Variants in ANKRD52 observed in about 807,000 individuals in gnomAD.
The protein encoded by ANKRD52 is ankyrin repeat domain 52, also known as serine/threonine-protein phosphatase 6 regulatory ankyrin repeat subunit C.
ANKRD52 carries 7 observed loss-of-function variants against 116.0 expected under a neutral mutation model. The observed-to-expected ratio is 0.06, with a 90% CI of 0.03 to 0.11. The LOEUF is 0.11. ANKRD52 is among the 10% of genes least tolerant of loss of function. The pLI is 1.00. For synonymous variants in ANKRD52, 528 were observed against 578.1 expected (o/e 0.91, Z 1.24); for missense variants, 839 against 1,408.6 (o/e 0.60, Z 6.47).
In ANKRD52 at chr12:56,243,669, C is replaced by T; in HGVS notation, c.2980+116G>A. On this transcript the variant is annotated intron_variant, in intron 27 of 27. Transcript: ENST00000267116. This position sits in a 1 kb window ranked among gnomAD's most constrained non-coding sequence, Gnocchi z 4.6. Reference sequence around the variant, plus strand: ...AGAGTACTGGTGTGGGCTCCCTGCTCTGAAGAGTTCCCTTGGGAAGAAAAT... The same window carrying T: ...AGAGTACTGGTGTGGGCTCCCTGCTTTGAAGAGTTCCCTTGGGAAGAAAAT... The T allele has an allele frequency of 2.9e-5, 34 of 1,191,970 alleles. No individual in the cohort carries two copies. Among genetic ancestry groups the T allele is most frequent in the Non-Finnish European group, 4.0e-5 (34 of 842,882 alleles). 73.8% of individuals were successfully genotyped at this position (1,191,970 alleles called of 1,614,324 possible).
chr12:56,254,421 C>A lies in ANKRD52; in HGVS notation c.694-142G>T. 1.4e-6 allele frequency: 2 copies of A among 1,430,436 alleles called. No homozygotes were observed. Among genetic ancestry groups the A allele is most frequent in the Non-Finnish European group, 1.9e-6 (2 of 1,054,118 alleles). 88.6% of individuals were successfully genotyped at this position (1,430,436 alleles called of 1,614,324 possible). ...ACCCAAGGTACTAAGGTACTAAGGG[C>A]ACTATGGCTAAGGTAAGCATTATTC... On this transcript the variant is annotated intron_variant, in intron 7 of 27. Coordinates refer to ENST00000267116, the MANE Select transcript of ANKRD52 (RefSeq NM_173595.4). The surrounding 1 kb of genome is among the most constrained non-coding windows in gnomAD (Gnocchi z 4.6).
Position 56,255,193 on chromosome 12 carries a change from C to CTTTT in ANKRD52, c.463-245_463-242dup. On this transcript the variant is annotated intron_variant, in intron 5 of 27. Coordinates refer to ENST00000267116, the MANE Select transcript of ANKRD52 (RefSeq NM_173595.4). This position sits in a 1 kb window ranked among gnomAD's most constrained non-coding sequence, Gnocchi z 4.3. ...CAGGTGATCTGGTGGTTCTTAAACT[C>CTTTT]TTTTTTTTTTTTTTTTTGAGACAGT... is the stretch of plus-strand genomic sequence containing the variant. 1.2e-5 allele frequency: 3 copies of CTTTT among 253,560 alleles called. No individual in the cohort carries two copies. Among genetic ancestry groups the CTTTT allele is most frequent in the South Asian group, 8.3e-5 (1 of 12,102 alleles). 15.7% of individuals were successfully genotyped at this position (253,560 alleles called of 1,614,324 possible). A position where few individuals can be genotyped will look rare whatever the true frequency, so the allele number is the denominator to read the frequency against.
Position 56,254,307 on chromosome 12 carries a change from G to A in ANKRD52, c.694-28C>T, listed in dbSNP as rs774537895. The A allele has an allele frequency of 6.2e-7, 1 of 1,604,590 alleles. No homozygotes were observed. The highest frequency in any genetic ancestry group is 1.7e-5 in the Admixed American group (1 of 59,952). On this transcript the variant is annotated intron_variant, in intron 7 of 27. Coordinates refer to ENST00000267116, the MANE Select transcript of ANKRD52 (RefSeq NM_173595.4). This position sits in a 1 kb window ranked among gnomAD's most constrained non-coding sequence, Gnocchi z 4.6. ...GGATATTCAGGGGTGAGAGTAAGGT[G>A]GTATCAGTTTAAACAAAGTAGAAGC...
In ANKRD52 at chr12:56,245,366, C is replaced by T. The variant is rs1186425183; in HGVS notation, c.2404+11G>A. On this transcript the variant is annotated intron_variant, in intron 21 of 27. Coordinates refer to ENST00000267116, the MANE Select transcript of ANKRD52 (RefSeq NM_173595.4). ...CATGCTCCTGTGCCTGTGGAGGCCCCAGTCTAGTACCAGTGTAGGAGGCCC... is the reference window on the plus strand; with the variant it reads ...CATGCTCCTGTGCCTGTGGAGGCCCTAGTCTAGTACCAGTGTAGGAGGCCC... The T allele has an allele frequency of 5.6e-6, 9 of 1,608,914 alleles. No individual in the cohort carries two copies. The Admixed American group carries it at 1.5e-4, about 27-fold the overall frequency.
chr12:56,254,866 T>G lies in ANKRD52; in HGVS notation c.549A>C (p.Leu183=). Residue 183 remains leucine, a splice_region_variant and synonymous_variant, in exon 6 of 28, where the codon CTA becomes CTC. Coordinates refer to ENST00000267116, the MANE Select transcript of ANKRD52 (RefSeq NM_173595.4). The surrounding 1 kb of genome is among the most constrained non-coding windows in gnomAD (Gnocchi z 4.6). ...ERQPLHWAAF[L]GHLEVLKLLV... is the part of the protein sequence containing the mutation. Reference sequence around the variant, plus strand: ...ATTTTCCCGTGTATTCTCTCTCACCTAGAAAAGCTGCCCAATGCAGAGGCT... The same window carrying G: ...ATTTTCCCGTGTATTCTCTCTCACCGAGAAAAGCTGCCCAATGCAGAGGCT... 6.2e-7 allele frequency: 1 copy of G among 1,612,566 alleles called. No homozygotes were observed. Among genetic ancestry groups the G allele is most frequent in the South Asian group, 1.1e-5 (1 of 91,070 alleles).
rs563553223 is a variant in ANKRD52 at position 56,255,321 on chromosome 12, G to A, written c.463-369C>T. 2.6e-5 allele frequency among the ~76,000 whole-genome samples: 4 copies of A among 151,902 alleles called. No homozygotes were observed. The highest frequency in any genetic ancestry group is 6.6e-5 in the Admixed American group (1 of 15,228). ...TTCTCCTGCCTCAGTCTCCCGAGTAGCTGGGACTACAGGCGGCCGCCACCA... is the reference window on the plus strand; with the variant it reads ...TTCTCCTGCCTCAGTCTCCCGAGTAACTGGGACTACAGGCGGCCGCCACCA... On this transcript the variant is annotated intron_variant, in intron 5 of 27. Coordinates refer to ENST00000267116, the MANE Select transcript of ANKRD52 (RefSeq NM_173595.4). The surrounding 1 kb of genome is among the most constrained non-coding windows in gnomAD (Gnocchi z 4.3).
At chr12:56,256,752 G>A (rs905553536) in intron 4 of ANKRD52, among the ~76,000 whole-genome samples, 1 of 152,218 alleles carries the variant, frequency 6.6e-6, no homozygotes, top group African/African-American at 2.4e-5. Context: ...CCCCAGGGAG[G>A]GATGAGTCAC....
intron 20 of ANKRD52, 143 bp downstream of exon 20, chr12:56,247,346 CAAAA>C (rs1007977970): frequency 6.5e-3 from 3,112 of 479,614 alleles, no homozygotes; most frequent in Admixed American, 7.7e-3. Flanking sequence ...GACCCTGTCT[CAAAA>C]AAAAAAAAAA....
chr12:56,247,825 G>C, intron 18 of ANKRD52, 51 bp from the exon 19 acceptor site: 1 of 1,559,606 alleles, frequency 6.4e-7, no homozygotes, highest in Non-Finnish European at 8.7e-7. Context: ...AAGAAGGGAG[G>C]CAAGGTCAAG....
chr12:56,243,081 T>C lies in ANKRD52; in HGVS notation c.*61A>G. The C allele has an allele frequency of 2.7e-6, 4 of 1,488,982 alleles. No homozygotes were observed. Among genetic ancestry groups the C allele is most frequent in the Non-Finnish European group, 3.6e-6 (4 of 1,119,754 alleles). 92.2% of individuals were successfully genotyped at this position (1,488,982 alleles called of 1,614,324 possible). A position where few individuals can be genotyped will look rare whatever the true frequency, so the allele number is the denominator to read the frequency against. ...TTTAAAGTGCCCTAAATGTTTAGACTTTTTCTAAATAAATAGAATTAGATA... is the reference window on the plus strand; with the variant it reads ...TTTAAAGTGCCCTAAATGTTTAGACCTTTTCTAAATAAATAGAATTAGATA... On this transcript the variant is annotated 3_prime_UTR_variant, in exon 28 of 28. Transcript: ENST00000267116. The surrounding 1 kb of genome is among the most constrained non-coding windows in gnomAD (Gnocchi z 4.6).
chr12:56,258,223 GA>G lies in ANKRD52; in HGVS notation c.27+19del. 2 of 1,599,210 alleles carry G rather than the reference GA, an allele frequency of 1.3e-6. No homozygotes were observed. Among genetic ancestry groups the G allele is most frequent in the South Asian group, 1.1e-5 (1 of 88,350 alleles). On this transcript the variant is annotated intron_variant, in intron 1 of 27. Transcript: ENST00000267116. Reference sequence around the variant, plus strand: ...GCCGAGCCCTGGAAGGAGGAAGCGGGAAAGGGCAGGAGGGCTGACCTGGTCC... The same window carrying G: ...GCCGAGCCCTGGAAGGAGGAAGCGGGAAGGGCAGGAGGGCTGACCTGGTCC...
chr12:56,243,834 T>C lies in ANKRD52; in HGVS notation c.2931A>G (p.Val977=), dbSNP rs1430137614. 1.9e-6 allele frequency: 3 copies of C among 1,567,000 alleles called. No homozygotes were observed. Among genetic ancestry groups the C allele is most frequent in the African/African-American group, 2.7e-5 (2 of 73,620 alleles). Residue 977 remains valine (V), a synonymous_variant, in exon 27 of 28, where the codon GTA becomes GTG. Coordinates refer to ENST00000267116, the MANE Select transcript of ANKRD52 (RefSeq NM_173595.4). This position sits in a 1 kb window ranked among gnomAD's most constrained non-coding sequence, Gnocchi z 4.6. ...TGGCCCCATGACTCAGCAGGGCCTG[T>C]ACCACAGAAGCTAGACCATTCCGGG... ...IAARNGLASV[V]QALLSHGATV...
intron 3 of ANKRD52, 59 bp from the exon 4 acceptor site, chr12:56,257,144 A>G: frequency 6.3e-7 from 1 of 1,581,308 alleles, no homozygotes; most frequent in Non-Finnish European, 8.6e-7. Flanking sequence ...GAAGGAAGCC[A>G]GTAATCAGGC....
intron 1 of ANKRD52, 100 bp downstream of exon 1, chr12:56,258,143 C>G (rs919330193): frequency 2.5e-5 from 38 of 1,530,778 alleles, no homozygotes; most frequent in Non-Finnish European, 3.4e-5. Context: ...GCTGCGGGAG[C>G]CCCGGGCTCA....
rs1037672467 is a variant in ANKRD52 at position 56,239,312 on chromosome 12, C to G, written c.*3830G>C. 6.6e-6 allele frequency: 1 copy of G among 152,310 alleles called. No individual in the cohort carries two copies. The highest frequency in any genetic ancestry group is 2.4e-5 in the African/African-American group (1 of 41,460). The allele number at this position is 152,310 out of a possible 1,614,324, so 9.4% of individuals were successfully genotyped here. A position where few individuals can be genotyped will look rare whatever the true frequency, so the allele number is the denominator to read the frequency against. On this transcript the variant is annotated 3_prime_UTR_variant, in exon 28 of 28. Coordinates refer to ENST00000267116, the MANE Select transcript of ANKRD52 (RefSeq NM_173595.4). ...ATTCCTCACCTCCGCCCTTGCCCAA[C>G]CTGGGTCAAGGCTGCAGAAGGCTGG...
chr12:56,250,640 T>C (rs1179873716), intron 15 of ANKRD52, among the ~76,000 whole-genome samples: 1 of 151,294 alleles, frequency 6.6e-6, no homozygotes, highest in African/African-American at 2.4e-5. Flanking sequence ...TCCCAGCACT[T>C]TGGGAGTCTG....
chr12:56,245,320 C>A, intron 21 of ANKRD52, 57 bp downstream of exon 21: 1 of 1,602,148 alleles, frequency 6.2e-7, no homozygotes, highest in East Asian at 2.2e-5. Context: ...CCACCTGTCC[C>A]CCTCTACACA....
Position 56,244,535 on chromosome 12 carries a change from A to T in ANKRD52, c.2723-100T>A. 1 of 1,598,442 alleles carries T rather than the reference A, an allele frequency of 6.3e-7. No individual in the cohort carries two copies. ...CCCGTCTGCAGATGGCGAGACATCC[A>T]AAGACAACCCTCTTGCTTTCTGAAC... is the stretch of plus-strand genomic sequence containing the variant. On this transcript the variant is annotated intron_variant, in intron 24 of 27. Coordinates refer to ENST00000267116, the MANE Select transcript of ANKRD52 (RefSeq NM_173595.4). This position sits in a 1 kb window ranked among gnomAD's most constrained non-coding sequence, Gnocchi z 4.9.
Position 56,245,008 on chromosome 12 carries a change from G to A in ANKRD52, c.2493-19C>T, listed in dbSNP as rs771652206. On this transcript the variant is annotated intron_variant, in intron 22 of 27. Transcript: ENST00000267116. ...ATTAATCCTAGAGGAAGAGGGAGGA[G>A]GGGTCATCAGGAAGGACAAGGGAAG... The A allele has an allele frequency of 6.2e-7, 1 of 1,613,612 alleles. No individual in the cohort carries two copies. Among genetic ancestry groups the A allele is most frequent in the East Asian group, 2.2e-5 (1 of 44,880 alleles).
Sources: allele counts gnomAD v4.1 joint callset (sites outside exome capture counted in the v4.1 genomes callset), GRCh38; gene constraint gnomAD v4.1.1; non-coding constraint Gnocchi (gnomAD v3.1); transcripts MANE v1.5; gene names NCBI Gene and HGNC (gene_info 2026-07-23, HGNC 2026-07-21).